The following ERC2 variants were observed in gnomAD, a reference collection of about 807,000 sequenced individuals.
ERC2 encodes ERC protein 2.
A neutral mutation model predicts 114.8 loss-of-function variants in ERC2; 42 were observed. The ratio of observed to expected loss-of-function variants is 0.37; its 90% confidence interval spans 0.29 to 0.47. The LOEUF is 0.47. ERC2 is among the 20% of genes least tolerant of loss of function. ERC2 has a pLI of 0.99. For synonymous variants in ERC2, 454 were observed against 425.5 expected (o/e 1.07, Z -0.82); for missense variants, 939 against 1,150.7 (o/e 0.82, Z 2.66).
chr3:56,116,460 A>G (rs2079240656), intron 6 of ERC2, among the ~76,000 whole-genome samples: 1 of 152,186 alleles, frequency 6.6e-6, no homozygotes, highest in Non-Finnish European at 1.5e-5. Flanking sequence ...CTGCAGGAGG[A>G]AATGGCAGGC....
intron 14 of ERC2, among the ~76,000 whole-genome samples, chr3:55,784,568 C>A (rs1279516193): frequency 3.3e-5 from 5 of 152,142 alleles, no homozygotes; most frequent in Non-Finnish European, 5.9e-5. Context: ...CATGGTTTGG[C>A]CAGTGTTTTG....
chr3:56,270,775 T>C (rs554917164), intron 3 of ERC2, among the ~76,000 whole-genome samples: 4 of 152,086 alleles, frequency 2.6e-5, no homozygotes, highest in Non-Finnish European at 5.9e-5. Context: ...GTCAGGAGAT[T>C]GAGACCATCC....
chr3:55,948,774 T>C (rs2067294750), intron 13 of ERC2, among the ~76,000 whole-genome samples: 2 of 152,198 alleles, frequency 1.3e-5, no homozygotes, highest in Admixed American at 6.5e-5. Flanking sequence ...TTACTATATA[T>C]AGAAAAGACA....
At chr3:56,449,074 CAAAA>C (rs34335399) in intron 1 of ERC2, among the ~76,000 whole-genome samples, 3 of 112,276 alleles carry the variant, frequency 2.7e-5, no homozygotes, top group African/African-American at 7.1e-5. Flanking sequence ...GACTCCATCT[CAAAA>C]AAAAAAAAAA....
At chr3:55,772,948 C>T (rs992056744) in intron 14 of ERC2, among the ~76,000 whole-genome samples, 3 of 152,204 alleles carry the variant, frequency 2.0e-5, no homozygotes, top group Non-Finnish European at 4.4e-5. Context: ...TGGACCATGA[C>T]GCACCACCCC....
In ERC2 at chr3:55,895,772, C is replaced by T. The variant is rs79207904; in HGVS notation, c.2404-7223G>A. Among the ~76,000 whole-genome samples, 1,045 of 152,304 alleles carry T rather than the reference C, an allele frequency of 6.9e-3. 3 individuals carry two copies. The highest frequency in any genetic ancestry group is 0.012 in the Non-Finnish European group (803 of 68,026). ...ACACCCTCCTTTGACCCACTTAGTG[C>T]AATGATGGATGAAGTGTAAGTCCAA... On this transcript the variant is annotated intron_variant, in intron 13 of 17. Transcript: ENST00000288221.
chr3:56,154,867 C>T (rs2081608846), intron 4 of ERC2, among the ~76,000 whole-genome samples: 1 of 152,040 alleles, frequency 6.6e-6, no homozygotes, highest in African/African-American at 2.4e-5. Context: ...TTATCATAAG[C>T]CAAAAACAAT....
chr3:55,711,697 G>A (rs772666010), intron 15 of ERC2, among the ~76,000 whole-genome samples: 10 of 152,218 alleles, frequency 6.6e-5, no homozygotes, highest in East Asian at 1.9e-4. Context: ...GAATGAATAA[G>A]TGATGGGCAT....
intron 14 of ERC2, among the ~76,000 whole-genome samples, chr3:55,830,105 G>A (rs548320134): frequency 2.0e-5 from 3 of 152,180 alleles, no homozygotes; most frequent in South Asian, 2.1e-4. Flanking sequence ...GAAAAATGAC[G>A]TTACACAGAA....
In ERC2 at chr3:55,939,417, T is replaced by C. The variant is rs577560827; in HGVS notation, c.2403+11008A>G. Among the ~76,000 whole-genome samples the C allele has an allele frequency of 2.6e-3, 396 of 152,342 alleles. 19 individuals carry two copies. The highest frequency in any genetic ancestry group is 0.026 in the Admixed American group (395 of 15,300). Reference sequence around the variant, plus strand: ...AAAGAAAAGGGCTCCCTTTGTCAAGTGATTTAGAGAAATTCTGGATTGAAG... The same window carrying C: ...AAAGAAAAGGGCTCCCTTTGTCAAGCGATTTAGAGAAATTCTGGATTGAAG... On this transcript the variant is annotated intron_variant, in intron 13 of 17. Coordinates refer to ENST00000288221, the MANE Select transcript of ERC2 (RefSeq NM_015576.3).
At chr3:56,344,238 A>G (rs1436862683) in intron 2 of ERC2, among the ~76,000 whole-genome samples, 1 of 152,238 alleles carries the variant, frequency 6.6e-6, no homozygotes, top group African/African-American at 2.4e-5. Context: ...AGAATGTATA[A>G]TAACCTAGGT....
intron 3 of ERC2, among the ~76,000 whole-genome samples, chr3:56,232,637 A>G (rs2050701833): frequency 1.3e-5 from 2 of 152,246 alleles, no homozygotes; most frequent in Admixed American, 6.5e-5. Context: ...CAACCCAAAG[A>G]AAAAACTGAA....
intron 17 of ERC2, among the ~76,000 whole-genome samples, chr3:55,556,531 C>T (rs1488968824): frequency 6.6e-6 from 1 of 152,190 alleles, no homozygotes; most frequent in Non-Finnish European, 1.5e-5. Flanking sequence ...CATTCTCTGG[C>T]CTGCAGTGAT....
At chr3:56,193,098 G>A (rs1181548755) in intron 3 of ERC2, among the ~76,000 whole-genome samples, 3 of 152,110 alleles carry the variant, frequency 2.0e-5, no homozygotes, top group Non-Finnish European at 4.4e-5. Context: ...ATGATGTTGG[G>A]AAAGAAAATT....
At chr3:56,158,532 T>C (rs1341822980) in intron 4 of ERC2, among the ~76,000 whole-genome samples, 1 of 152,174 alleles carries the variant, frequency 6.6e-6, no homozygotes, top group East Asian at 1.9e-4. Context: ...AAGGATTCCT[T>C]GATCCTCTAT....
intron 14 of ERC2, among the ~76,000 whole-genome samples, chr3:55,875,697 C>CAT: frequency 6.9e-6 from 1 of 144,728 alleles, no homozygotes; most frequent in African/African-American, 2.8e-5. Context: ...CATTCACACA[C>CAT]ACACACACAC....
chr3:55,882,721 G>A (rs1441334493), intron 14 of ERC2, among the ~76,000 whole-genome samples: 1 of 152,118 alleles, frequency 6.6e-6, no homozygotes, highest in Non-Finnish European at 1.5e-5. Flanking sequence ...TTTATATCAG[G>A]GACTTCAGCA....
chr3:56,212,150 G>A (rs959008141), intron 3 of ERC2, among the ~76,000 whole-genome samples: 1 of 151,784 alleles, frequency 6.6e-6, no homozygotes, highest in Non-Finnish European at 1.5e-5. Context: ...AGAAAACAGA[G>A]AACAGAATAA....
At chr3:56,208,217 C>A (rs1219899833) in intron 3 of ERC2, among the ~76,000 whole-genome samples, 1 of 152,166 alleles carries the variant, frequency 6.6e-6, no homozygotes, top group Non-Finnish European at 1.5e-5. Flanking sequence ...CCTATCAAAT[C>A]ATAAAGATGT....
Sources: allele counts gnomAD v4.1 joint callset (sites outside exome capture counted in the v4.1 genomes callset), GRCh38; gene constraint gnomAD v4.1.1; transcripts MANE v1.5; gene names NCBI Gene and HGNC (gene_info 2026-07-23, HGNC 2026-07-21).